The following DHX36 variants were observed in gnomAD, a reference collection of about 807,000 sequenced individuals.
The protein encoded by DHX36 is DEAH-box helicase 36.
In DHX36, 50 loss-of-function variants were observed where a neutral mutation model predicts 139.0. That is an observed-to-expected ratio of 0.36 (90% confidence interval 0.29 to 0.46). DHX36 has a LOEUF of 0.46. Ranked by LOEUF, DHX36 falls within the 20% of genes least tolerant of loss-of-function variation. DHX36 has a pLI of 1.00. For synonymous variants in DHX36, 425 were observed against 401.9 expected (o/e 1.06, Z -0.69); for missense variants, 1,024 against 1,211.3 (o/e 0.85, Z 2.29).
At chr3:154,277,524 G>T in intron 23 of DHX36, 74 bp downstream of exon 23, 1 of 1,427,906 alleles carries the variant, frequency 7.0e-7, no homozygotes, top group Non-Finnish European at 9.3e-7. Context: ...GTATATAATT[G>T]TTAAAACTAC....
At chr3:154,319,944 C>A (rs1215271129) in intron 1 of DHX36, among the ~76,000 whole-genome samples, 1 of 152,158 alleles carries the variant, frequency 6.6e-6, no homozygotes, top group Non-Finnish European at 1.5e-5. Flanking sequence ...ATCTTCACAG[C>A]AAAACTACTG....
intron 11 of DHX36, among the ~76,000 whole-genome samples, 195 bp downstream of exon 11, chr3:154,300,399 C>A (rs1712221194): frequency 1.3e-5 from 2 of 152,166 alleles, no homozygotes; most frequent in Admixed American, 1.3e-4. Flanking sequence ...GATTTATAAT[C>A]CATATATTTG....
chr3:154,314,608 A>C (rs1264542630), intron 3 of DHX36: 1 of 153,520 alleles, frequency 6.5e-6, no homozygotes, highest in Non-Finnish European at 1.5e-5. Context: ...GTGTTGTGAT[A>C]GTCCTGTATT....
At chr3:154,313,608 A>G (rs1265080689) in intron 3 of DHX36, among the ~76,000 whole-genome samples, 1 of 152,122 alleles carries the variant, frequency 6.6e-6, no homozygotes, top group Non-Finnish European at 1.5e-5. Flanking sequence ...TGAGCCCAGG[A>G]GGTCGAGGCT....
intron 6 of DHX36, among the ~76,000 whole-genome samples, chr3:154,305,720 G>A (rs556667501): frequency 6.6e-6 from 1 of 152,316 alleles, no homozygotes; most frequent in South Asian, 2.1e-4. Context: ...TGAGTTGACT[G>A]CACCACTGCA....
intron 1 of DHX36, among the ~76,000 whole-genome samples, chr3:154,320,467 T>G (rs578232348): frequency 6.6e-6 from 1 of 152,270 alleles, no homozygotes; most frequent in South Asian, 2.1e-4. Context: ...TTTCTGACTG[T>G]TCACTCCCAC....
At chr3:154,309,913 AT>A in intron 4 of DHX36, 90 bp from the exon 5 acceptor site, 3 of 1,013,518 alleles carry the variant, frequency 3.0e-6, no homozygotes, top group Non-Finnish European at 2.8e-6. Context: ...GAACATAGCT[AT>A]TTTTAACAAA....
rs573474547 is a variant in DHX36 at position 154,299,651 on chromosome 3, A to G, written c.1549+187T>C. The G allele has an allele frequency of 2.7e-5, 16 of 602,374 alleles. 1 individual carries two copies. The South Asian group carries it at 2.8e-4, about 11-fold the overall frequency. The allele number at this position is 602,374 out of a possible 1,614,324, so 37.3% of individuals were successfully genotyped here. ...AAACCTCACATACCTATGCTTTAAG[A>G]GCCAATTTTATTAGGCAAATTGTGA... On this transcript the variant is annotated intron_variant, in intron 12 of 24. Transcript: ENST00000496811.
chr3:154,304,108 T>C (rs1426791707), intron 8 of DHX36, among the ~76,000 whole-genome samples: 4 of 152,198 alleles, frequency 2.6e-5, no homozygotes, highest in Admixed American at 1.3e-4. Flanking sequence ...TAATCTTACA[T>C]GGTTTTCAGT....
chr3:154,286,336 A>G (rs1051294856), intron 17 of DHX36, among the ~76,000 whole-genome samples: 1 of 151,596 alleles, frequency 6.6e-6, no homozygotes, highest in African/African-American at 2.4e-5. Flanking sequence ...ATAAAACTCT[A>G]ATTATTTAAA....
In DHX36 at chr3:154,321,525, C is replaced by T. The variant is rs560335085; in HGVS notation, c.243+2649G>A. On this transcript the variant is annotated intron_variant, in intron 1 of 24. Coordinates refer to ENST00000496811, the MANE Select transcript of DHX36 (RefSeq NM_020865.3). Reference sequence around the variant, plus strand: ...TACCTTAATACTGTATTCTATTTATCGCTCCAAACACACCACAATCTCTGT... The same window carrying T: ...TACCTTAATACTGTATTCTATTTATTGCTCCAAACACACCACAATCTCTGT... Among the ~76,000 whole-genome samples the T allele has an allele frequency of 1.2e-3, 182 of 152,274 alleles. 1 individual carries two copies. The highest frequency in any genetic ancestry group is 2.2e-3 in the Non-Finnish European group (152 of 68,018).
chr3:154,311,755 G>T, intron 3 of DHX36, 81 bp from the exon 4 acceptor site: 2 of 1,083,380 alleles, frequency 1.8e-6, no homozygotes, highest in African/African-American at 1.7e-5. Flanking sequence ...TACATCACAG[G>T]GTAAATTGGC....
rs35550732 is a variant in DHX36, at chr3:154,275,978, GTATATATATA to G, written c.*183_*192del. ...GATCAGAGAACATATTGCTTTTATGGTATATATATATATATATATATATCTCTACATATAA... is the reference window on the plus strand; with the variant it reads ...GATCAGAGAACATATTGCTTTTATGGTATATATATATATCTCTACATATAA... On this transcript the variant is annotated 3_prime_UTR_variant, in exon 25 of 25. Coordinates refer to ENST00000496811, the MANE Select transcript of DHX36 (RefSeq NM_020865.3). The G allele has an allele frequency of 6.4e-6, 2 of 310,426 alleles. No homozygotes were observed. The highest frequency in any genetic ancestry group is 1.1e-5 in the Non-Finnish European group (2 of 176,680). The allele number at this position is 310,426 out of a possible 1,614,324, so 19.2% of individuals were successfully genotyped here. A position where few individuals can be genotyped will look rare whatever the true frequency, so the allele number is the denominator to read the frequency against.
At chr3:154,318,703 A>G (rs1460054134) in intron 1 of DHX36, among the ~76,000 whole-genome samples, 1 of 152,218 alleles carries the variant, frequency 6.6e-6, no homozygotes, top group Non-Finnish European at 1.5e-5. Context: ...ATAAGGAATT[A>G]GTTGAATTGT....
At chr3:154,302,549 T>G (rs190547768) in intron 9 of DHX36, among the ~76,000 whole-genome samples, 1 of 152,266 alleles carries the variant, frequency 6.6e-6, no homozygotes, top group Admixed American at 6.5e-5. Context: ...AGGAGAAGCT[T>G]CAGTTCTGAA....
chr3:154,276,378 A>G (rs1342868726), intron 24 of DHX36, 22 bp from the exon 25 acceptor site: 1 of 1,593,158 alleles, frequency 6.3e-7, no homozygotes, highest in East Asian at 2.2e-5. Context: ...AAAATTATAC[A>G]TGTTCAACAA....
chr3:154,302,211 G>C (rs764371516), intron 9 of DHX36, among the ~76,000 whole-genome samples: 1 of 152,116 alleles, frequency 6.6e-6, no homozygotes, highest in Non-Finnish European at 1.5e-5. Flanking sequence ...AAATAAAAAT[G>C]AGAAAGCATG....
intron 24 of DHX36, 96 bp downstream of exon 24, chr3:154,276,651 G>T: frequency 7.6e-7 from 1 of 1,308,076 alleles, no homozygotes; most frequent in Non-Finnish European, 1.1e-6. Context: ...CTGAAATAGA[G>T]CAAGAAATGT....
chr3:154,319,907 T>C (rs148520937), intron 1 of DHX36, among the ~76,000 whole-genome samples: 1 of 152,282 alleles, frequency 6.6e-6, no homozygotes, highest in East Asian at 1.9e-4. Context: ...CCTACCCCTA[T>C]CAGCTACGGC....
Sources: allele counts gnomAD v4.1 joint callset (sites outside exome capture counted in the v4.1 genomes callset), GRCh38; gene constraint gnomAD v4.1.1; transcripts MANE v1.5; gene names NCBI Gene and HGNC (gene_info 2026-07-23, HGNC 2026-07-21).